The following MAP3K13 variants were observed in gnomAD, a reference collection of about 807,000 sequenced individuals.
The protein encoded by MAP3K13 is leucine zipper-bearing kinase.
A neutral mutation model predicts 104.0 loss-of-function variants in MAP3K13; 52 were observed. That is an observed-to-expected ratio of 0.50 (90% CI 0.40 to 0.63). MAP3K13 has a LOEUF of 0.63. Among genes scored for constraint, MAP3K13 ranks in the 20% least tolerant of loss-of-function variants. The pLI is 0.00. For synonymous variants in MAP3K13, 394 were observed against 442.2 expected, an observed-to-expected ratio of 0.89 and a Z score of 1.37; for missense variants, 914 against 1,218.5, an observed-to-expected ratio of 0.75 and a Z score of 3.72.
chr3:185,451,024 A>G (rs1301183041), intron 6 of MAP3K13, among the ~76,000 whole-genome samples: 2 of 152,208 alleles, frequency 1.3e-5, no homozygotes, highest in Non-Finnish European at 2.9e-5. Flanking sequence ...CAGGAGGCGG[A>G]GCTTGCAGTG....
chr3:185,395,839 C>T (rs910294059), intron 1 of MAP3K13, among the ~76,000 whole-genome samples: 12 of 151,824 alleles, frequency 7.9e-5, no homozygotes, highest in Non-Finnish European at 1.3e-4. Context: ...CACGCATGCT[C>T]GGTGAATTTT....
chr3:185,424,756 T>C (rs1416356046), intron 1 of MAP3K13, among the ~76,000 whole-genome samples: 1 of 152,246 alleles, frequency 6.6e-6, no homozygotes, highest in Non-Finnish European at 1.5e-5. Context: ...TTATTAAAAA[T>C]AGTAATGGTA....
At chr3:185,364,281 T>A (rs1450062661) in intron 1 of MAP3K13, among the ~76,000 whole-genome samples, 1 of 152,232 alleles carries the variant, frequency 6.6e-6, no homozygotes, top group Non-Finnish European at 1.5e-5. Context: ...CAAGGGTCTG[T>A]TTATTCTGGT....
intron 1 of MAP3K13, among the ~76,000 whole-genome samples, chr3:185,385,687 C>A (rs904486979): frequency 2.5e-4 from 38 of 152,096 alleles, no homozygotes; most frequent in Admixed American, 1.4e-3. Flanking sequence ...CACTAGGAAA[C>A]CAAATCCAAC....
At chr3:185,319,784 A>G (rs1484493496) in intron 2 of MAP3K13, among the ~76,000 whole-genome samples, 1 of 152,250 alleles carries the variant, frequency 6.6e-6, no homozygotes, top group Non-Finnish European at 1.5e-5. Flanking sequence ...AAAAGAAATA[A>G]TTATTCCCTA....
Position 185,418,181 on chromosome 3 carries a change from G to C in MAP3K13, c.-85-10316G>C, listed in dbSNP as rs1416101838. On this transcript the variant is annotated intron_variant, in intron 1 of 13. Coordinates refer to ENST00000265026, the MANE Select transcript of MAP3K13 (RefSeq NM_004721.5). The surrounding 1 kb of genome is among the most constrained non-coding windows in gnomAD (Gnocchi z 4.5). ...CACAGGCCCCTGCGCTGGATACGGC[G>C]ACGGTTTCTCATTTTGCCTTTGCCA... 1.2e-6 allele frequency: 2 copies of C among 1,610,934 alleles called. No individual in the cohort carries two copies. The highest frequency in any genetic ancestry group is 2.2e-5 in the South Asian group (2 of 90,952).
chr3:185,455,193 T>TATATATATGATATATATGAG (rs1716406732), intron 7 of MAP3K13, among the ~76,000 whole-genome samples: 5 of 87,042 alleles, frequency 5.7e-5, no homozygotes, highest in African/African-American at 2.2e-4. Context: ...ATATATGAGA[T>TATATATATGATATATATGAG]ATATATATGA....
chr3:185,311,892 G>A (rs1721506843), intron 2 of MAP3K13, among the ~76,000 whole-genome samples: 1 of 152,178 alleles, frequency 6.6e-6, no homozygotes, highest in Non-Finnish European at 1.5e-5. Context: ...GAGCTTTGCT[G>A]GACTATTCAT....
intron 1 of MAP3K13, chr3:185,285,466 G>T (rs1720475852): frequency 5.6e-6 from 3 of 538,136 alleles, no homozygotes; most frequent in Non-Finnish European, 9.8e-6. Context: ...TAATGAGTTG[G>T]TATCTCAGTG....
intron 1 of MAP3K13, among the ~76,000 whole-genome samples, chr3:185,397,786 G>A (rs1222536429): frequency 6.6e-6 from 1 of 152,074 alleles, no homozygotes; most frequent in African/African-American, 2.4e-5. Flanking sequence ...CTGCCATGAG[G>A]GTTGTGGGGT....
chr3:185,330,351 C>T (rs1453510349), intron 2 of MAP3K13, among the ~76,000 whole-genome samples: 1 of 151,754 alleles, frequency 6.6e-6, no homozygotes, highest in East Asian at 1.9e-4. Flanking sequence ...TGAGCGGGAG[C>T]TCAGATCATG....
At chr3:185,292,024 G>C (rs1443803350) in intron 2 of MAP3K13, 3 of 996,440 alleles carry the variant, frequency 3.0e-6, no homozygotes, top group Non-Finnish European at 3.6e-6. Flanking sequence ...GAGTTAACAG[G>C]CTGGGCACGG....
chr3:185,457,311 T>C (rs754175420), intron 7 of MAP3K13, among the ~76,000 whole-genome samples: 1 of 152,184 alleles, frequency 6.6e-6, no homozygotes, highest in South Asian at 2.1e-4. Context: ...ACTGAGTACA[T>C]TAAGCATCTA....
intron 7 of MAP3K13, among the ~76,000 whole-genome samples, chr3:185,456,118 A>T (rs1716729395): frequency 6.6e-6 from 1 of 151,328 alleles, no homozygotes; most frequent in Non-Finnish European, 1.5e-5. Context: ...ACAGATATTG[A>T]GGAATATCTT....
intron 2 of MAP3K13, among the ~76,000 whole-genome samples, chr3:185,308,617 C>T (rs942512159): frequency 6.6e-6 from 1 of 152,100 alleles, no homozygotes; most frequent in East Asian, 1.9e-4. Context: ...CTGAACTCTC[C>T]GCTGTTCTCA....
intron 2 of MAP3K13, among the ~76,000 whole-genome samples, chr3:185,338,242 A>G (rs559220709): frequency 6.6e-6 from 1 of 151,302 alleles, no homozygotes; most frequent in South Asian, 2.1e-4. Context: ...AGGCAGGAGA[A>G]TCTCTTGAAC....
chr3:185,326,438 C>G (rs1722042398), intron 2 of MAP3K13, among the ~76,000 whole-genome samples: 2 of 152,230 alleles, frequency 1.3e-5, no homozygotes, highest in South Asian at 4.1e-4. Flanking sequence ...CGAATCTTAG[C>G]CTGTTCCTCA....
At chr3:185,338,285 G>A (rs1391961431) in intron 2 of MAP3K13, among the ~76,000 whole-genome samples, 2 of 146,844 alleles carry the variant, frequency 1.4e-5, no homozygotes, top group African/African-American at 2.5e-5. Flanking sequence ...AACCAAGATC[G>A]TGCCATTGCA....
At chr3:185,295,693 AT>A (rs56175541) in intron 2 of MAP3K13, among the ~76,000 whole-genome samples, 121,058 of 151,986 alleles carry the variant, frequency 0.8, 48,470 homozygotes, top group Non-Finnish European at 0.84. Flanking sequence ...TAAATCACCC[AT>A]TTTTTTCTCA....
Sources: gnomAD v4.1 joint callset for allele counts (sites outside exome capture counted in the v4.1 genomes callset) on GRCh38, gnomAD v4.1.1 for gene constraint, Gnocchi (gnomAD v3.1) non-coding constraint, MANE v1.5 for transcripts, NCBI Gene and HGNC (gene_info 2026-07-23, HGNC 2026-07-21) for gene names.